Variants in MFN1 observed in about 807,000 individuals in gnomAD.
MFN1 encodes the protein mitofusin 1, also known as mitofusin-1.
In MFN1, 65 loss-of-function variants were observed where a neutral mutation model predicts 92.4. The ratio of observed to expected loss-of-function variants is 0.70; its 90% CI spans 0.58 to 0.86. MFN1 has a LOEUF of 0.86. Ranked by LOEUF, MFN1 falls within the 40% of genes least tolerant of loss-of-function variation. MFN1 has a pLI of 0.00. For missense variants in MFN1, 781 were observed against 868.0 expected (o/e 0.90, Z 1.26); for synonymous variants, 297 against 300.9 (o/e 0.99, Z 0.13).
chr3:179,376,935 C>T (rs1029502519), intron 10 of MFN1, 107 bp from the exon 11 acceptor site: 678 of 1,036,464 alleles, frequency 6.5e-4, no homozygotes, highest in Admixed American at 8.2e-4. Flanking sequence ...TTTTTTTTTT[C>T]CTTGAGTCAT....
rs1714032155 is a variant in MFN1 at position 179,394,627 on chromosome 3, G to A, written c.*2568G>A. ...AGACGGGGTTTCACCGTGTTAGCCA[G>A]GATGGTCTCGATCTCCTGACCTCGT... On this transcript the variant is annotated 3_prime_UTR_variant, in exon 18 of 18. Coordinates refer to ENST00000471841, the MANE Select transcript of MFN1 (RefSeq NM_033540.3). 1 of 151,836 alleles carries A rather than the reference G, an allele frequency of 6.6e-6. No individual in the cohort carries two copies. Among genetic ancestry groups the A allele is most frequent in the South Asian group, 2.1e-4 (1 of 4,820 alleles). The allele number at this position is 151,836 out of a possible 1,614,324, so 9.4% of individuals were successfully genotyped here.
At chr3:179,384,103 T>G (rs1055794840) in intron 14 of MFN1, among the ~76,000 whole-genome samples, 1 of 152,194 alleles carries the variant, frequency 6.6e-6, no homozygotes, top group Non-Finnish European at 1.5e-5. Flanking sequence ...TTTCTTTCAC[T>G]TAGTATAATG....
chr3:179,375,377 GTTTT>G (rs772706439), intron 10 of MFN1, 36 bp downstream of exon 10: 2 of 1,603,214 alleles, frequency 1.2e-6, no homozygotes. Context: ...AAAAATGTTA[GTTTT>G]TTTGTCAGAC....
chr3:179,377,969 AGAATCGCTTGAAACCG>A lies in MFN1; in HGVS notation c.1330-368_1330-353del, dbSNP rs527386318. Among the ~76,000 whole-genome samples, 218 of 152,282 alleles carry A rather than the reference AGAATCGCTTGAAACCG, an allele frequency of 1.4e-3. 2 individuals carry two copies. Among genetic ancestry groups the A allele is most frequent in the East Asian group, 1.9e-4 (1 of 5,184 alleles). On this transcript the variant is annotated intron_variant, in intron 12 of 17. Coordinates refer to ENST00000471841, the MANE Select transcript of MFN1 (RefSeq NM_033540.3). ...CAGCTACTCTGGAGGCTGAGGCGGG[AGAATCGCTTGAAACCG>A]GAAGGCAGAAGTGGCAGTGAGCCAA...
chr3:179,350,920 C>T (rs182824103), intron 2 of MFN1, among the ~76,000 whole-genome samples: 8 of 152,148 alleles, frequency 5.3e-5, no homozygotes, highest in African/African-American at 1.4e-4. Flanking sequence ...GCAGTGGCAC[C>T]ATCTCGGCTC....
intron 13 of MFN1, 54 bp from the exon 14 acceptor site, chr3:179,378,524 TCCATTGA>T: frequency 1.3e-6 from 2 of 1,529,838 alleles, no homozygotes; most frequent in Non-Finnish European, 1.8e-6. Context: ...CTTTAGGCAT[TCCATTGA>T]AGGTAAAACA....
In MFN1 at chr3:179,385,557, T is replaced by TTG; in HGVS notation, c.1663-11_1663-10insGT. ...AGTGTAATCTTTTTTCCTTTCTCTT[T>TTG]TTTTTTGGCAGCTCCCTAGATCTTT... On this transcript the variant is annotated splice_polypyrimidine_tract_variant and intron_variant, in intron 14 of 17. Transcript: ENST00000471841. The TTG allele has an allele frequency of 6.4e-7, 1 of 1,569,936 alleles. No individual in the cohort carries two copies. The highest frequency in any genetic ancestry group is 1.2e-5 in the South Asian group (1 of 83,340).
Position 179,375,205 on chromosome 3 carries a change from T to C in MFN1, c.976-15T>C. 1.2e-6 allele frequency: 2 copies of C among 1,606,038 alleles called. No individual in the cohort carries two copies. Among genetic ancestry groups the C allele is most frequent in the Non-Finnish European group, 1.7e-6 (2 of 1,176,990 alleles). Reference sequence around the variant, plus strand: ...TGGAATTACAGTAATGTGTTACGGCTTGGGCCCCTCGCAGGAGTGTATCTC... The same window carrying C: ...TGGAATTACAGTAATGTGTTACGGCCTGGGCCCCTCGCAGGAGTGTATCTC... On this transcript the variant is annotated splice_polypyrimidine_tract_variant and intron_variant, in intron 9 of 17. Transcript: ENST00000471841.
At chr3:179,372,930 T>A (rs918908355) in intron 9 of MFN1, among the ~76,000 whole-genome samples, 1 of 152,208 alleles carries the variant, frequency 6.6e-6, no homozygotes, top group African/African-American at 2.4e-5. Context: ...AATAAGTAGT[T>A]TACAAATGTT....
At chr3:179,368,749 C>G (rs568993772) in intron 9 of MFN1, among the ~76,000 whole-genome samples, 1 of 152,264 alleles carries the variant, frequency 6.6e-6, no homozygotes, top group East Asian at 1.9e-4. Context: ...AAAACTCACC[C>G]TACATTTGAC....
intron 14 of MFN1, among the ~76,000 whole-genome samples, chr3:179,382,383 C>A (rs1005340816): frequency 4.6e-5 from 7 of 152,154 alleles, no homozygotes; most frequent in African/African-American, 1.7e-4. Context: ...CATCGATGTC[C>A]CTACAAAGGA....
Position 179,378,618 on chromosome 3 carries a change from A to G in MFN1, c.1466A>G (p.Gln489Arg), listed in dbSNP as rs898793896. 1.2e-6 allele frequency: 2 copies of G among 1,613,010 alleles called. No individual in the cohort carries two copies. The highest frequency in any genetic ancestry group is 1.7e-5 in the Admixed American group (1 of 59,944). ...NLKPLLPAGI[Q>R]DKLHTLIPCK... is the part of the protein sequence containing the mutation. ...AAGCCATTACTTCCAGCTGGTATAC[A>G]GGATAAACTACATACACTGATCCCT... The change falls in exon 14 of 18, where the codon CAG becomes CGG. Residue 489 changes from glutamine to arginine, a missense_variant. Coordinates refer to ENST00000471841, the MANE Select transcript of MFN1 (RefSeq NM_033540.3).
intron 9 of MFN1, among the ~76,000 whole-genome samples, chr3:179,370,438 C>G (rs988570795): frequency 3.6e-5 from 5 of 138,774 alleles, no homozygotes; most frequent in African/African-American, 1.3e-4. Context: ...CGCTCTGTCG[C>G]CGCCAGGCTG....
In MFN1 at chr3:179,377,439, A is replaced by G. The variant is rs186155706; in HGVS notation, c.1320A>G (p.Ile440Met). Residue 440 changes from isoleucine to methionine, a missense_variant, in exon 12 of 18, where the codon ATA (isoleucine) becomes ATG (methionine). By Grantham distance (10) the Ile-to-Met change is conservative (BLOSUM62 1). Coordinates refer to ENST00000471841, the MANE Select transcript of MFN1 (RefSeq NM_033540.3). ...EFHPNPDVLK[I>M]YKSELNKHIE... is the part of the protein sequence containing the mutation. Reference sequence around the variant, plus strand: ...ATCCTAATCCAGATGTATTAAAAATATATAAAAGTGTAAGTTAAAGTATAG... The same window carrying G: ...ATCCTAATCCAGATGTATTAAAAATGTATAAAAGTGTAAGTTAAAGTATAG... 66 of 1,560,214 alleles carry G rather than the reference A, an allele frequency of 4.2e-5. No individual in the cohort carries two copies. In the East Asian group the frequency reaches 1.4e-3, roughly 34 times the overall value.
intron 2 of MFN1, among the ~76,000 whole-genome samples, chr3:179,349,718 C>T (rs1413748339): frequency 2.0e-5 from 3 of 152,030 alleles, no homozygotes; most frequent in Non-Finnish European, 4.4e-5. Context: ...CCATATTGGC[C>T]AGGCTGGTCT....
rs2108566581 is a variant in MFN1, at chr3:179,394,336, T to C, written c.*2277T>C. On this transcript the variant is annotated 3_prime_UTR_variant, in exon 18 of 18. Coordinates refer to ENST00000471841, the MANE Select transcript of MFN1 (RefSeq NM_033540.3). ...ATGGCAACTTTTTCATCACTTGTTT[T>C]ATGTAGTTGTCTGATCAATTGTGAA... 1 of 152,194 alleles carries C rather than the reference T, an allele frequency of 6.6e-6. No individual in the cohort carries two copies. The highest frequency in any genetic ancestry group is 1.5e-5 in the Non-Finnish European group (1 of 67,996). The allele number at this position is 152,194 out of a possible 1,614,324, so 9.4% of individuals were successfully genotyped here.
intron 10 of MFN1, 53 bp from the exon 11 acceptor site, chr3:179,376,989 G>C: frequency 6.3e-7 from 1 of 1,585,646 alleles, no homozygotes; most frequent in African/African-American, 1.4e-5. Flanking sequence ...TTGCTGAAAT[G>C]CTTTAGGACT....
intron 5 of MFN1, among the ~76,000 whole-genome samples, chr3:179,363,736 G>A (rs1193307660): frequency 6.6e-6 from 1 of 151,932 alleles, no homozygotes; most frequent in Admixed American, 6.6e-5. Flanking sequence ...TCAAACTCCC[G>A]CCTTGGCATC....
At chr3:179,367,280 A>G (rs1174263816) in intron 7 of MFN1, among the ~76,000 whole-genome samples, 159 bp from the exon 8 acceptor site, 2 of 152,266 alleles carry the variant, frequency 1.3e-5, no homozygotes, top group African/African-American at 2.4e-5. Flanking sequence ...ATTTCCTGTC[A>G]TCAAGTATCA....
Sources: gnomAD v4.1 joint callset for allele counts (sites outside exome capture counted in the v4.1 genomes callset) on GRCh38, gnomAD v4.1.1 for gene constraint, MANE v1.5 for transcripts, NCBI Gene and HGNC (gene_info 2026-07-23, HGNC 2026-07-21) for gene names.